Variants in MGAT4C observed in about 807,000 individuals in gnomAD.
The protein encoded by MGAT4C is alpha-1,3-mannosyl-glycoprotein 4-beta-N-acetylglucosaminyltransferase C.
In MGAT4C, 19 loss-of-function variants were observed where a neutral mutation model predicts 40.1. The ratio of observed to expected loss-of-function variants is 0.47; its 90% confidence interval spans 0.33 to 0.70. The LOEUF is 0.70. Ranked by LOEUF, MGAT4C falls within the 30% of genes least tolerant of loss-of-function variation. MGAT4C has a pLI of 0.02. For missense variants in MGAT4C, 491 were observed against 563.2 expected, an observed-to-expected ratio of 0.87 and a Z score of 1.30; for synonymous variants, 181 against 187.1, an observed-to-expected ratio of 0.97 and a Z score of 0.27.
intron 1 of MGAT4C, among the ~76,000 whole-genome samples, chr12:86,193,355 T>G (rs1889737406): frequency 6.6e-6 from 1 of 151,968 alleles, no homozygotes; most frequent in South Asian, 2.1e-4. Context: ...ATAAGGACCA[T>G]AGAACTTCTC....
chr12:85,988,884 A>G (rs1885563798), intron 3 of MGAT4C, among the ~76,000 whole-genome samples: 1 of 152,030 alleles, frequency 6.6e-6, no homozygotes, highest in Non-Finnish European at 1.5e-5. Context: ...GGGTACAAAT[A>G]TAAAACAGAG....
At chr12:86,096,857 GT>G (rs934449239) in intron 1 of MGAT4C, among the ~76,000 whole-genome samples, 18 of 151,480 alleles carry the variant, frequency 1.2e-4, no homozygotes, top group African/African-American at 4.4e-4. Flanking sequence ...TAATATATTT[GT>G]GGTTGTCTCA....
At chr12:86,795,966 TG>T (rs1399049460) in intron 1 of MGAT4C, among the ~76,000 whole-genome samples, 2 of 152,004 alleles carry the variant, frequency 1.3e-5, no homozygotes, top group Non-Finnish European at 2.9e-5. Flanking sequence ...AACGTAAGAC[TG>T]GTGATTTTTA....
chr12:86,700,322 T>TAG (rs946716899), intron 2 of MGAT4C, among the ~76,000 whole-genome samples: 1 of 151,930 alleles, frequency 6.6e-6, no homozygotes, highest in Non-Finnish European at 1.5e-5. Context: ...GAGTTAATTT[T>TAG]AGAGAGAGAG....
chr12:86,376,770 G>A (rs1234286497), intron 3 of MGAT4C, among the ~76,000 whole-genome samples: 2 of 150,100 alleles, frequency 1.3e-5, no homozygotes, highest in Non-Finnish European at 3.0e-5. Flanking sequence ...ACATCAAAGA[G>A]CAAGAAAGAG....
chr12:86,621,354 G>C (rs1962631007), intron 2 of MGAT4C, among the ~76,000 whole-genome samples: 2 of 152,126 alleles, frequency 1.3e-5, no homozygotes, highest in Non-Finnish European at 2.9e-5. Flanking sequence ...GGCTGCACAG[G>C]ACACTGATTC....
intron 1 of MGAT4C, among the ~76,000 whole-genome samples, chr12:86,052,369 C>T (rs74405989): frequency 6.6e-6 from 1 of 151,484 alleles, no homozygotes; most frequent in Non-Finnish European, 1.5e-5. Flanking sequence ...GATAACAAAA[C>T]CTAACAAGTG....
At chr12:86,217,501 C>T (rs1192064996) in intron 1 of MGAT4C, among the ~76,000 whole-genome samples, 1 of 152,112 alleles carries the variant, frequency 6.6e-6, no homozygotes, top group African/African-American at 2.4e-5. Context: ...TGTTTGTAAA[C>T]ATGTTTTGTG....
intron 2 of MGAT4C, among the ~76,000 whole-genome samples, chr12:86,588,007 G>C (rs1266689056): frequency 1.3e-5 from 2 of 152,002 alleles, no homozygotes; most frequent in African/African-American, 2.4e-5. Context: ...TGGTGAGAGA[G>C]GGCATCCCTG....
At chr12:86,056,321 G>T (rs1021095086) in intron 1 of MGAT4C, among the ~76,000 whole-genome samples, 1 of 152,094 alleles carries the variant, frequency 6.6e-6, no homozygotes, top group Admixed American at 6.6e-5. Flanking sequence ...TGCCATGTTG[G>T]TTTGCTTCAC....
At chr12:86,200,988 T>C (rs1950029328) in intron 1 of MGAT4C, among the ~76,000 whole-genome samples, 1 of 152,124 alleles carries the variant, frequency 6.6e-6, no homozygotes, top group Non-Finnish European at 1.5e-5. Flanking sequence ...CAGAAACCAA[T>C]TGTGGTGGCA....
At position 86,049,735 on chromosome 12, in the gene MGAT4C, A is replaced by G. The variant is rs1318979016; in HGVS notation, c.-56-12T>C. On this transcript the variant is annotated splice_polypyrimidine_tract_variant and intron_variant, in intron 1 of 4. Transcript: ENST00000611864. ...AAACCGTTGATACCCTGGAAAAAAG[A>G]AAGTCTAATATTACTAATACAACCC... is the stretch of plus-strand genomic sequence containing the variant. The G allele has an allele frequency of 1.0e-6, 1 of 960,594 alleles. No homozygotes were observed. Among genetic ancestry groups the G allele is most frequent in the Non-Finnish European group, 1.2e-6 (1 of 807,108 alleles). 59.5% of individuals were successfully genotyped at this position (960,594 alleles called of 1,614,324 possible). A position where few individuals can be genotyped will look rare whatever the true frequency, so the allele number is the denominator to read the frequency against.
At chr12:86,210,029 T>C (rs1334421120) in intron 1 of MGAT4C, among the ~76,000 whole-genome samples, 1 of 152,170 alleles carries the variant, frequency 6.6e-6, no homozygotes, top group Non-Finnish European at 1.5e-5. Flanking sequence ...GGGCTGCAAA[T>C]TTAGGCTGAA....
At chr12:86,364,379 C>CA (rs1365278903) in intron 3 of MGAT4C, among the ~76,000 whole-genome samples, 1 of 152,068 alleles carries the variant, frequency 6.6e-6, no homozygotes, top group African/African-American at 2.4e-5. Context: ...TCAATACCAA[C>CA]ACCAAGAATG....
At chr12:86,768,632 A>G (rs1221518888) in intron 1 of MGAT4C, among the ~76,000 whole-genome samples, 1 of 151,812 alleles carries the variant, frequency 6.6e-6, no homozygotes, top group Non-Finnish European at 1.5e-5. Flanking sequence ...ACAAGGCTAC[A>G]GTAACCAAAA....
At chr12:86,158,255 A>T (rs1483085930) in intron 1 of MGAT4C, among the ~76,000 whole-genome samples, 1 of 152,138 alleles carries the variant, frequency 6.6e-6, no homozygotes, top group African/African-American at 2.4e-5. Flanking sequence ...ACATATCATA[A>T]ATCCATAGCC....
At chr12:86,143,923 A>G (rs1883186085) in intron 1 of MGAT4C, among the ~76,000 whole-genome samples, 1 of 152,208 alleles carries the variant, frequency 6.6e-6, no homozygotes, top group Non-Finnish European at 1.5e-5. Context: ...TAGGTGCCTC[A>G]CTTTTATGGC....
intron 1 of MGAT4C, among the ~76,000 whole-genome samples, chr12:86,074,741 G>T (rs368491781): frequency 2.6e-5 from 4 of 152,136 alleles, no homozygotes; most frequent in Non-Finnish European, 5.9e-5. Flanking sequence ...AAGGTGAAAG[G>T]CACGTCCTAC....
chr12:86,642,315 T>A (rs572301680), intron 2 of MGAT4C, among the ~76,000 whole-genome samples: 1 of 151,962 alleles, frequency 6.6e-6, no homozygotes, highest in African/African-American at 2.4e-5. Context: ...TGTGCATAAA[T>A]CTACATGGCT....
Sources: allele counts gnomAD v4.1 joint callset (sites outside exome capture counted in the v4.1 genomes callset), GRCh38; gene constraint gnomAD v4.1.1; transcripts MANE v1.5; gene names NCBI Gene and HGNC (gene_info 2026-07-23, HGNC 2026-07-21).